The following NEURL1B variants were observed in gnomAD, a reference collection of about 807,000 sequenced individuals.
NEURL1B encodes neuralized E3 ubiquitin protein ligase 1B.
Under a neutral mutation model 37.4 loss-of-function variants are expected in NEURL1B, and 13 were observed. The observed-to-expected ratio is 0.35, with a 90% confidence interval of 0.23 to 0.55. NEURL1B has a LOEUF of 0.55. NEURL1B is among the 20% of genes least tolerant of loss of function. NEURL1B has a pLI of 0.89. For synonymous variants in NEURL1B, 432 were observed against 426.6 expected (o/e 1.01, Z -0.16); for missense variants, 790 against 879.2 (o/e 0.90, Z 1.28).
chr5:172,642,296 C>T (rs1310795248), intron 1 of NEURL1B, among the ~76,000 whole-genome samples: 1 of 152,190 alleles, frequency 6.6e-6, no homozygotes, highest in Non-Finnish European at 1.5e-5. Flanking sequence ...AAATGACTCA[C>T]CCAAGGTCAC....
Position 172,683,994 on chromosome 5 carries a change from A to C in NEURL1B, c.1153A>C (p.Ser385Arg), listed in dbSNP as rs1758426194. 3 of 1,322,990 alleles carry C rather than the reference A, an allele frequency of 2.3e-6. No individual in the cohort carries two copies. The South Asian group carries it at 5.4e-5, about 24-fold the overall frequency. The allele number at this position is 1,322,990 out of a possible 1,614,324, so 82.0% of individuals were successfully genotyped here. The change falls in exon 3 of 5, where the codon AGC becomes CGC. Residue 385 changes from serine to arginine, a missense_variant. Ser to Arg is a moderately radical substitution (Grantham distance 110). Transcript: ENST00000369800. The surrounding 1 kb of genome is among the most constrained non-coding windows in gnomAD (Gnocchi z 5.6). Reference protein sequence around the residue: ...GPVPSGGDALSFTLRPGGDVL... With the variant: ...GPVPSGGDALRFTLRPGGDVL... The stretch of plus-strand genomic sequence containing the variant: ...CGTGCCGAGCGGCGGCGACGCGCTC[A>C]GCTTCACGCTGCGGCCCGGCGGCGA...
At chr5:172,664,932 T>C (rs1373580955) in intron 1 of NEURL1B, among the ~76,000 whole-genome samples, 1 of 152,174 alleles carries the variant, frequency 6.6e-6, no homozygotes, top group African/African-American at 2.4e-5. Context: ...TTGGCCGCAT[T>C]TTATCCTAAC....
At position 172,670,162 on chromosome 5, in the gene NEURL1B, C is replaced by T; in HGVS notation, c.409C>T (p.Leu137=). The change falls in exon 2 of 5, where the codon CTG becomes TTG. Residue 137 remains leucine, a synonymous_variant. Coordinates refer to ENST00000369800, the MANE Select transcript of NEURL1B (RefSeq NM_001142651.3). ...CTGGGCCAAGGCACTGCCCGAGAAC[C>T]TGGCGCTGCGCGACACGGTGCTGGC... ...GYWAKALPEN[L]ALRDTVLAYW... The T allele has an allele frequency of 1.3e-6, 2 of 1,497,488 alleles. No homozygotes were observed. Among genetic ancestry groups the T allele is most frequent in the Non-Finnish European group, 1.8e-6 (2 of 1,129,468 alleles). The allele number at this position is 1,497,488 out of a possible 1,614,324, so 92.8% of individuals were successfully genotyped here.
intron 1 of NEURL1B, among the ~76,000 whole-genome samples, chr5:172,666,277 T>C (rs1007881448): frequency 1.5e-4 from 23 of 152,174 alleles, no homozygotes; most frequent in Admixed American, 1.3e-4. Flanking sequence ...AAACCAGCTG[T>C]GTGACTTTGG....
intron 2 of NEURL1B, among the ~76,000 whole-genome samples, chr5:172,671,306 A>G (rs1208192804): frequency 6.6e-6 from 1 of 152,082 alleles, no homozygotes; most frequent in Non-Finnish European, 1.5e-5. Context: ...TAGGGGAGTA[A>G]AGGGAGAGCA....
At chr5:172,677,962 C>T (rs1758271573) in intron 2 of NEURL1B, among the ~76,000 whole-genome samples, 2 of 152,182 alleles carry the variant, frequency 1.3e-5, no homozygotes, top group East Asian at 3.9e-4. Context: ...TGAGTCCCTG[C>T]CCATCACTGA....
rs918323321 is a variant in NEURL1B at position 172,665,356 on chromosome 5, G to A, written c.32-4429G>A. Reference sequence around the variant, plus strand: ...TATCTCTGCCGATGGTCTGCACCCGGGTGCTGTTTCCCCTGCTCACTTGGG... The same window carrying A: ...TATCTCTGCCGATGGTCTGCACCCGAGTGCTGTTTCCCCTGCTCACTTGGG... On this transcript the variant is annotated intron_variant, in intron 1 of 4. Coordinates refer to ENST00000369800, the MANE Select transcript of NEURL1B (RefSeq NM_001142651.3). This position sits in a 1 kb window ranked among gnomAD's most constrained non-coding sequence, Gnocchi z 4.1. Among the ~76,000 whole-genome samples the A allele has an allele frequency of 2.0e-5, 3 of 152,196 alleles. No individual in the cohort carries two copies. Among genetic ancestry groups the A allele is most frequent in the African/African-American group, 7.2e-5 (3 of 41,446 alleles).
In NEURL1B at chr5:172,677,933, T is replaced by A. The variant is rs900146602; in HGVS notation, c.578-5486T>A. Among the ~76,000 whole-genome samples, 33 of 152,166 alleles carry A rather than the reference T, an allele frequency of 2.2e-4. 1 individual carries two copies. The highest frequency in any genetic ancestry group is 2.0e-3 in the Admixed American group (31 of 15,280). On this transcript the variant is annotated intron_variant, in intron 2 of 4. Transcript: ENST00000369800. ...TATGCCACCCTCTCCTTTTCCCTCT[T>A]AAGCTGTGCCCTGAGGCGTGAGTCC...
At position 172,683,847 on chromosome 5, in the gene NEURL1B, G is replaced by A. The variant is rs1758421232; in HGVS notation, c.1006G>A (p.Gly336Ser). The change falls in exon 3 of 5, where the codon GGC becomes AGC. Residue 336 changes from glycine (G) to serine (S), a missense_variant. Coordinates refer to ENST00000369800, the MANE Select transcript of NEURL1B (RefSeq NM_001142651.3). This position sits in a 1 kb window ranked among gnomAD's most constrained non-coding sequence, Gnocchi z 5.6. ...GGGCCGTCCGGGGCTGGCGGCGCCC[G>A]GCGCGCTGGCCTTCGGCATCACGTC... is the stretch of plus-strand genomic sequence containing the variant. Reference protein sequence around the residue: ...EVGRPGLAAPGALAFGITSCD... With the variant: ...EVGRPGLAAPSALAFGITSCD... 2.6e-5 allele frequency: 34 copies of A among 1,333,226 alleles called. No homozygotes were observed. The highest frequency in any genetic ancestry group is 3.2e-5 in the Non-Finnish European group (33 of 1,037,774). 82.6% of individuals were successfully genotyped at this position (1,333,226 alleles called of 1,614,324 possible).
intron 1 of NEURL1B, among the ~76,000 whole-genome samples, chr5:172,648,706 A>C (rs564810327): frequency 1.3e-5 from 2 of 152,378 alleles, no homozygotes; most frequent in South Asian, 4.1e-4. Context: ...GAACTCTGTA[A>C]GCATTTAGAA....
Position 172,657,871 on chromosome 5 carries a change from C to G in NEURL1B, c.32-11914C>G, listed in dbSNP as rs560851628. ...CCACTTTCATGTTCCTCCCATACTC[C>G]TGGTTCCTCTTTGAAGTTCGTAGTA... On this transcript the variant is annotated intron_variant, in intron 1 of 4. Coordinates refer to ENST00000369800, the MANE Select transcript of NEURL1B (RefSeq NM_001142651.3). The surrounding 1 kb of genome is among the most constrained non-coding windows in gnomAD (Gnocchi z 4.0). 6.6e-6 allele frequency among the ~76,000 whole-genome samples: 1 copy of G among 152,324 alleles called. No homozygotes were observed. The highest frequency in any genetic ancestry group is 2.4e-5 in the African/African-American group (1 of 41,570).
Position 172,641,288 on chromosome 5 carries a change from TC to T in NEURL1B, c.-118del. On this transcript the variant is annotated 5_prime_UTR_variant, in exon 1 of 5. Transcript: ENST00000369800. The surrounding 1 kb of genome is among the most constrained non-coding windows in gnomAD (Gnocchi z 6.4). ...CCCGCCCCAGCTGCCGCCCGCCGGCTCGCCCGTGCAGCTGCGATGCCCCGGA... is the reference window on the plus strand; with the variant it reads ...CCCGCCCCAGCTGCCGCCCGCCGGCTGCCCGTGCAGCTGCGATGCCCCGGA... 1 of 927,994 alleles carries T rather than the reference TC, an allele frequency of 1.1e-6. No homozygotes were observed. The highest frequency in any genetic ancestry group is 3.7e-5 in the East Asian group (1 of 27,292). 57.5% of individuals were successfully genotyped at this position (927,994 alleles called of 1,614,324 possible). A position where few individuals can be genotyped will look rare whatever the true frequency, so the allele number is the denominator to read the frequency against.
Position 172,683,566 on chromosome 5 carries a change from C to G in NEURL1B, c.725C>G (p.Ala242Gly). 7.0e-7 allele frequency: 1 copy of G among 1,432,844 alleles called. No homozygotes were observed. Among genetic ancestry groups the G allele is most frequent in the South Asian group, 1.3e-5 (1 of 74,244 alleles). The allele number at this position is 1,432,844 out of a possible 1,614,324, so 88.8% of individuals were successfully genotyped here. ...GTGGTGGCCAAGCTGGGCCACCTGG[C>G]GCTGGGCCGCGCCCCGGGCCCACCG... ...NQVVAKLGHL[A>G]LGRAPGPPPA... The change falls in exon 3 of 5, where the codon GCG becomes GGG. Residue 242 changes from alanine (A) to glycine (G), a missense_variant. Transcript: ENST00000369800. The surrounding 1 kb of genome is among the most constrained non-coding windows in gnomAD (Gnocchi z 5.6).
At chr5:172,667,237 A>G (rs1758031648) in intron 1 of NEURL1B, among the ~76,000 whole-genome samples, 1 of 145,452 alleles carries the variant, frequency 6.9e-6, no homozygotes. Flanking sequence ...CAGGAGTTCA[A>G]GACCAGCCTG....
chr5:172,657,936 G>T lies in NEURL1B; in HGVS notation c.32-11849G>T, dbSNP rs1180259990. Reference sequence around the variant, plus strand: ...GAATAGGGAAAATCTTAAAGTGTTTGATCTTTCTTATAAGTGCATAGAAGA... The same window carrying T: ...GAATAGGGAAAATCTTAAAGTGTTTTATCTTTCTTATAAGTGCATAGAAGA... On this transcript the variant is annotated intron_variant, in intron 1 of 4. Transcript: ENST00000369800. The surrounding 1 kb of genome is among the most constrained non-coding windows in gnomAD (Gnocchi z 4.0). Among the ~76,000 whole-genome samples the T allele has an allele frequency of 1.3e-5, 2 of 152,186 alleles. No individual in the cohort carries two copies. The highest frequency in any genetic ancestry group is 4.8e-5 in the African/African-American group (2 of 41,440).
At chr5:172,674,303 C>T (rs1475249234) in intron 2 of NEURL1B, among the ~76,000 whole-genome samples, 1 of 152,068 alleles carries the variant, frequency 6.6e-6, no homozygotes, top group African/African-American at 2.4e-5. Context: ...GTAGGCCTCA[C>T]ATATTTTTTT....
intron 1 of NEURL1B, among the ~76,000 whole-genome samples, chr5:172,666,440 C>G (rs1211398996): frequency 6.6e-6 from 1 of 152,224 alleles, no homozygotes; most frequent in East Asian, 1.9e-4. Flanking sequence ...TGCGGTGATT[C>G]TATCAGTCAG....
At position 172,641,479 on chromosome 5, in the gene NEURL1B, C is replaced by G. The variant is rs1757458278; in HGVS notation, c.31+42C>G. 7.9e-7 allele frequency: 1 copy of G among 1,264,838 alleles called. No individual in the cohort carries two copies. The highest frequency in any genetic ancestry group is 9.9e-7 in the Non-Finnish European group (1 of 1,006,518). 78.4% of individuals were successfully genotyped at this position (1,264,838 alleles called of 1,614,324 possible). A position where few individuals can be genotyped will look rare whatever the true frequency, so the allele number is the denominator to read the frequency against. The stretch of plus-strand genomic sequence containing the variant: ...TGCCCGGGAGGCGGGCGCCGGGCTT[C>G]TCTCCTCCGGGGGACCCGCTGGGTG... On this transcript the variant is annotated intron_variant, in intron 1 of 4. Coordinates refer to ENST00000369800, the MANE Select transcript of NEURL1B (RefSeq NM_001142651.3). This position sits in a 1 kb window ranked among gnomAD's most constrained non-coding sequence, Gnocchi z 6.4.
intron 1 of NEURL1B, among the ~76,000 whole-genome samples, chr5:172,658,155 G>T (rs1456630873): frequency 6.6e-6 from 1 of 152,020 alleles, no homozygotes; most frequent in Non-Finnish European, 1.5e-5. Flanking sequence ...CGGTCTCCAC[G>T]TCTTGGTGGT....
Sources: gnomAD v4.1 joint callset for allele counts (sites outside exome capture counted in the v4.1 genomes callset) on GRCh38, gnomAD v4.1.1 for gene constraint, Gnocchi (gnomAD v3.1) non-coding constraint, MANE v1.5 for transcripts, NCBI Gene and HGNC (gene_info 2026-07-23, HGNC 2026-07-21) for gene names.